Variants in MUSK observed in about 807,000 individuals in gnomAD.
MUSK encodes the protein muscle, skeletal receptor tyrosine-protein kinase.
A neutral mutation model predicts 88.7 loss-of-function variants in MUSK; 55 were observed. The observed-to-expected ratio is 0.62, with a 90% CI of 0.50 to 0.78. MUSK has a LOEUF of 0.78. MUSK is among the 30% of genes least tolerant of loss of function. MUSK has a pLI of 0.00. For missense variants in MUSK, 1,015 were observed against 1,074.3 expected, an observed-to-expected ratio of 0.94 and a Z score of 0.77; for synonymous variants, 387 against 391.9, an observed-to-expected ratio of 0.99 and a Z score of 0.15.
At chr9:110,682,528 A>T in intron 1 of MUSK, 146 bp from the exon 2 acceptor site, 1 of 700,532 alleles carries the variant, frequency 1.4e-6, no homozygotes, top group Non-Finnish European at 2.3e-6. Context: ...AACATTCTTT[A>T]CATAAGCTCT....
intron 6 of MUSK, among the ~76,000 whole-genome samples, chr9:110,735,719 T>C (rs1175657848): frequency 1.3e-5 from 2 of 152,082 alleles, no homozygotes; most frequent in Admixed American, 1.3e-4. Context: ...TGGCTCATGG[T>C]TCTGCAGGCT....
At position 110,784,895 on chromosome 9, in the gene MUSK, T is replaced by C. The variant is rs1161905783; in HGVS notation, c.1465T>C (p.Ser489Pro). The C allele has an allele frequency of 6.2e-7, 1 of 1,613,702 alleles. No individual in the cohort carries two copies. The highest frequency in any genetic ancestry group is 8.5e-7 in the Non-Finnish European group (1 of 1,179,800). ...CTCCTCCTCTTCTTCCTTCTCTGTC[T>C]CACCTACATACTCCATGACTGTAAT... ...PSSSSSSFSVSPTYSMTVIIS... is the reference protein window; with the variant it reads ...PSSSSSSFSVPPTYSMTVIIS... The change falls in exon 12 of 15, where the codon TCA (serine) becomes CCA (proline). Residue 489 changes from serine to proline, a missense_variant. By Grantham distance (74) the Ser-to-Pro change is moderately conservative. Coordinates refer to ENST00000374448, the MANE Select transcript of MUSK (RefSeq NM_005592.4).
chr9:110,689,418 A>G lies in MUSK; in HGVS notation c.358+2150A>G, dbSNP rs921341067. Among the ~76,000 whole-genome samples, 57 of 112,224 alleles carry G rather than the reference A, an allele frequency of 5.1e-4. 1 individual carries two copies. The highest frequency in any genetic ancestry group is 2.1e-3 in the African/African-American group (55 of 25,864). The allele number at this position is 112,224 out of a possible 152,430, so 73.6% of individuals were successfully genotyped here. On this transcript the variant is annotated intron_variant, in intron 3 of 14. Coordinates refer to ENST00000374448, the MANE Select transcript of MUSK (RefSeq NM_005592.4). ...ATATGTGAAAAATACATATTTATAT[A>G]TAATATATGTAAAAAATATTAAAAT...
At chr9:110,779,698 T>C (rs1282680101) in intron 11 of MUSK, among the ~76,000 whole-genome samples, 1 of 152,214 alleles carries the variant, frequency 6.6e-6, no homozygotes, top group Non-Finnish European at 1.5e-5. Context: ...AATAATTTCA[T>C]GACATTAATA....
chr9:110,797,478 T>G (rs1369448314), intron 14 of MUSK, among the ~76,000 whole-genome samples: 1 of 152,042 alleles, frequency 6.6e-6, no homozygotes, highest in Admixed American at 6.6e-5. Context: ...TTAGCTGAAG[T>G]TGGGCAGAGG....
intron 13 of MUSK, among the ~76,000 whole-genome samples, chr9:110,786,323 A>G (rs1459086262): frequency 3.3e-5 from 5 of 151,370 alleles, no homozygotes; most frequent in Admixed American, 6.6e-5. Flanking sequence ...AAAAAAAAAA[A>G]AAAAGAAAAG....
Position 110,687,288 on chromosome 9 carries a change from G to C in MUSK, c.358+20G>C, listed in dbSNP as rs144807641. ...AGATGAGTGAGTGGGAAACAGATTC[G>C]TCTATTGATTTGAAAGTTGACTTGG... On this transcript the variant is annotated intron_variant, in intron 3 of 14. Transcript: ENST00000374448. The C allele has an allele frequency of 2.1e-5, 34 of 1,612,356 alleles. No homozygotes were observed. Among genetic ancestry groups the C allele is most frequent in the Non-Finnish European group, 2.8e-5 (33 of 1,179,054 alleles).
rs865953069 is a variant in MUSK at position 110,690,187 on chromosome 9, A to T, written c.358+2919A>T. ...ATATAAATATATAAATATATATTTAAGTATATATAAATATATATAAATATA... is the reference window on the plus strand; with the variant it reads ...ATATAAATATATAAATATATATTTATGTATATATAAATATATATAAATATA... On this transcript the variant is annotated intron_variant, in intron 3 of 14. Coordinates refer to ENST00000374448, the MANE Select transcript of MUSK (RefSeq NM_005592.4). 1.8e-4 allele frequency among the ~76,000 whole-genome samples: 18 copies of T among 102,040 alleles called. 2 individuals are homozygous for T. Among genetic ancestry groups the T allele is most frequent in the Middle Eastern group, 0.013 (1 of 76 alleles). The allele number at this position is 102,040 out of a possible 152,430, so 66.9% of individuals were successfully genotyped here.
At chr9:110,768,146 T>C (rs1222242607) in intron 9 of MUSK, 63 bp downstream of exon 9, 1 of 1,482,946 alleles carries the variant, frequency 6.7e-7, no homozygotes, top group African/African-American at 1.4e-5. Flanking sequence ...ACAGAAGGAG[T>C]TTTTGAAAAA....
At chr9:110,761,993 T>A in intron 7 of MUSK, 1 of 921,544 alleles carries the variant, frequency 1.1e-6, no homozygotes, top group Non-Finnish European at 1.3e-6. Context: ...ACCTGCTTCC[T>A]AAAGATACTC....
At chr9:110,720,003 A>C (rs1476540168) in intron 5 of MUSK, among the ~76,000 whole-genome samples, 1 of 152,148 alleles carries the variant, frequency 6.6e-6, no homozygotes, top group Non-Finnish European at 1.5e-5. Context: ...TTGGGTCAAC[A>C]ATGAAGTCAA....
chr9:110,747,866 C>T (rs889155536), intron 7 of MUSK, 66 bp downstream of exon 7: 247 of 1,545,052 alleles, frequency 1.6e-4, no homozygotes, highest in South Asian at 3.7e-4. Context: ...TCTACAATAT[C>T]GAGCATTGGA....
chr9:110,714,014 A>C (rs1402412131), intron 5 of MUSK, among the ~76,000 whole-genome samples: 1 of 152,186 alleles, frequency 6.6e-6, no homozygotes, highest in Non-Finnish European at 1.5e-5. Context: ...TTTCAAAATA[A>C]AAATGTTTTA....
At chr9:110,771,310 G>A (rs1394575468) in intron 9 of MUSK, among the ~76,000 whole-genome samples, 1 of 151,758 alleles carries the variant, frequency 6.6e-6, no homozygotes, top group South Asian at 2.1e-4. Flanking sequence ...GGCTGGTCTC[G>A]AACTCCTGAC....
intron 7 of MUSK, among the ~76,000 whole-genome samples, chr9:110,761,182 T>G (rs1402607512): frequency 6.6e-6 from 1 of 152,218 alleles, no homozygotes; most frequent in African/African-American, 2.4e-5. Context: ...TTCTCATGCC[T>G]TGGCAGAGTC....
At position 110,800,831 on chromosome 9, in the gene MUSK, G is replaced by A. The variant is rs754220594; in HGVS notation, c.2453G>A (p.Gly818Asp). ...HEEVIYYVRDGNILSCPENCP... is the reference protein window; with the variant it reads ...HEEVIYYVRDDNILSCPENCP... Reference sequence around the variant, plus strand: ...GAGGTCATTTACTACGTGCGAGATGGCAACATCCTCTCCTGCCCTGAGAAC... The same window carrying A: ...GAGGTCATTTACTACGTGCGAGATGACAACATCCTCTCCTGCCCTGAGAAC... The change falls in exon 15 of 15, where the codon GGC becomes GAC. Residue 818 changes from glycine (G) to aspartate (D), a missense_variant. Transcript: ENST00000374448. The A allele has an allele frequency of 3.7e-6, 6 of 1,612,034 alleles. No individual in the cohort carries two copies. The highest frequency in any genetic ancestry group is 4.5e-5 in the East Asian group (2 of 44,844).
chr9:110,785,879 ACT>A (rs1383300927), intron 13 of MUSK, among the ~76,000 whole-genome samples, 161 bp downstream of exon 13: 1 of 147,994 alleles, frequency 6.8e-6, no homozygotes, highest in Non-Finnish European at 1.5e-5. Flanking sequence ...ATATATGTAC[ACT>A]GTGTGTGTAT....
intron 7 of MUSK, among the ~76,000 whole-genome samples, chr9:110,755,991 T>TATATATATACATATATATAC (rs2077319310): frequency 8.4e-6 from 1 of 119,676 alleles, no homozygotes. Flanking sequence ...TATATATATA[T>TATATATATACATATATATAC]ATATATGAAT....
rs186509669 is a variant in MUSK, at chr9:110,680,459, C to T, written c.80-2215C>T. 6.6e-5 allele frequency among the ~76,000 whole-genome samples: 10 copies of T among 150,982 alleles called. No individual in the cohort carries two copies. In the East Asian group the frequency reaches 2.0e-3, roughly 29 times the overall value. On this transcript the variant is annotated intron_variant, in intron 1 of 14. Transcript: ENST00000374448. ...AGTGCAGTGGTGCGATCTCAGCTCA[C>T]TGCAGCCTCCACCTCCTGGGTTCAA...
Sources: gnomAD v4.1 joint callset for allele counts (sites outside exome capture counted in the v4.1 genomes callset) on GRCh38, gnomAD v4.1.1 for gene constraint, MANE v1.5 for transcripts, NCBI Gene and HGNC (gene_info 2026-07-23, HGNC 2026-07-21) for gene names.